The following CRPPA variants were observed in gnomAD, a reference collection of about 807,000 sequenced individuals.
The protein encoded by CRPPA is CDP-L-ribitol pyrophosphorylase A, also known as D-ribitol-5-phosphate cytidylyltransferase.
A neutral mutation model predicts 52.0 loss-of-function variants in CRPPA; 43 were observed. The ratio of observed to expected loss-of-function variants is 0.83; its 90% CI spans 0.65 to 1.07. The LOEUF is 1.07. Ranked by LOEUF, CRPPA falls within the 50% of genes least tolerant of loss-of-function variation. The probability of loss-of-function intolerance (pLI) is 0.00; values close to 1 mark genes in which losing one functional copy is unlikely to be tolerated. For synonymous variants in CRPPA, 250 were observed against 203.5 expected (o/e 1.23, Z -1.94); for missense variants, 629 against 551.7 (o/e 1.14, Z -1.40).
At position 16,349,912 on chromosome 7, in the gene CRPPA, A is replaced by G. The variant is rs1173275096; in HGVS notation, c.684+26180T>C. Reference sequence around the variant, plus strand: ...AATCCAGATCTAGGAAATCCAAGAGACACTAAATAAGATGAATCCAAAGAG... The same window carrying G: ...AATCCAGATCTAGGAAATCCAAGAGGCACTAAATAAGATGAATCCAAAGAG... On this transcript the variant is annotated intron_variant, in intron 3 of 9. Coordinates refer to ENST00000407010, the MANE Select transcript of CRPPA (RefSeq NM_001101426.4). 3.9e-5 allele frequency among the ~76,000 whole-genome samples: 6 copies of G among 152,228 alleles called. No individual in the cohort carries two copies. The South Asian group carries it at 6.2e-4, about 16-fold the overall frequency.
At chr7:16,206,110 C>G (rs542866972) in intron 9 of CRPPA, among the ~76,000 whole-genome samples, 65 of 152,136 alleles carry the variant, frequency 4.3e-4, no homozygotes, top group Admixed American at 2.6e-4. Context: ...AAATGCATAC[C>G]TTCATACATT....
intron 8 of CRPPA, among the ~76,000 whole-genome samples, chr7:16,217,845 G>A (rs1426149726): frequency 6.6e-6 from 1 of 151,890 alleles, no homozygotes; most frequent in Admixed American, 6.6e-5. Flanking sequence ...GGGGAGAATG[G>A]AACCAAGTTG....
intron 4 of CRPPA, among the ~76,000 whole-genome samples, chr7:16,302,543 A>AGCTT (rs1488999727): frequency 8.3e-4 from 127 of 152,294 alleles, no homozygotes; most frequent in African/African-American, 2.9e-3. Flanking sequence ...TAAAAGCTAC[A>AGCTT]TTCAAGCACC....
At chr7:16,258,047 T>A (rs1180109614) in intron 8 of CRPPA, among the ~76,000 whole-genome samples, 1 of 152,148 alleles carries the variant, frequency 6.6e-6, no homozygotes, top group Non-Finnish European at 1.5e-5. Flanking sequence ...AATGCTTCCC[T>A]AATGGTATTC....
rs143034125 is a variant in CRPPA, at chr7:16,298,156, C to T, written c.835+3265G>A. On this transcript the variant is annotated intron_variant, in intron 5 of 9. Coordinates refer to ENST00000407010, the MANE Select transcript of CRPPA (RefSeq NM_001101426.4). Reference sequence around the variant, plus strand: ...AATGGAGGGGGTAAACTCAGGTGAGCAAACAAGCATTTGCAGCTGGGAGAG... The same window carrying T: ...AATGGAGGGGGTAAACTCAGGTGAGTAAACAAGCATTTGCAGCTGGGAGAG... Among the ~76,000 whole-genome samples, 1,029 of 152,220 alleles carry T rather than the reference C, an allele frequency of 6.8e-3. 16 individuals carry two copies. The highest frequency in any genetic ancestry group is 0.024 in the African/African-American group (1,006 of 41,518).
At chr7:16,135,163 T>C (rs1050319842) in intron 9 of CRPPA, among the ~76,000 whole-genome samples, 1 of 152,212 alleles carries the variant, frequency 6.6e-6, no homozygotes, top group Non-Finnish European at 1.5e-5. Flanking sequence ...ACATGCTCTT[T>C]GAATTGCTCA....
At chr7:16,223,600 T>C (rs77029597) in intron 8 of CRPPA, among the ~76,000 whole-genome samples, 5,536 of 152,240 alleles carry the variant, frequency 0.036, 256 homozygotes, top group East Asian at 0.19. Context: ...ATACTTTACA[T>C]AGTGCTACTA....
chr7:16,092,712 C>A (rs1269800976), intron 9 of CRPPA, among the ~76,000 whole-genome samples: 2 of 152,156 alleles, frequency 1.3e-5, no homozygotes, highest in Non-Finnish European at 2.9e-5. Context: ...AAATATAGAT[C>A]TGATCACATC....
At chr7:16,354,845 T>G (rs943316928) in intron 3 of CRPPA, among the ~76,000 whole-genome samples, 18 of 152,248 alleles carry the variant, frequency 1.2e-4, no homozygotes, top group Middle Eastern at 3.4e-3. Context: ...TCAAATACAT[T>G]TATTCCCCTA....
intron 9 of CRPPA, among the ~76,000 whole-genome samples, chr7:16,214,961 G>C (rs2128397834): frequency 6.6e-6 from 1 of 152,162 alleles, no homozygotes; most frequent in East Asian, 1.9e-4. Flanking sequence ...TATCCTACGT[G>C]AACTAAAATT....
intron 2 of CRPPA, among the ~76,000 whole-genome samples, chr7:16,389,923 AAAAAAATATAT>A (rs1304053966): frequency 2.5e-5 from 2 of 81,072 alleles, no homozygotes; most frequent in Non-Finnish European, 4.7e-5. Context: ...CAAAAAAAAA[AAAAAAATATAT>A]ATATATATAT....
At chr7:16,141,447 G>A (rs1248848984) in intron 9 of CRPPA, among the ~76,000 whole-genome samples, 1 of 152,038 alleles carries the variant, frequency 6.6e-6, no homozygotes, top group Admixed American at 6.6e-5. Context: ...GATAACAGCT[G>A]TTCAGAAATT....
intron 9 of CRPPA, among the ~76,000 whole-genome samples, chr7:16,183,893 A>T (rs1781457141): frequency 6.6e-6 from 1 of 152,226 alleles, no homozygotes; most frequent in Non-Finnish European, 1.5e-5. Context: ...TTTTAGTTTA[A>T]GGTACAAAAT....
At chr7:16,117,146 G>C (rs968906354) in intron 9 of CRPPA, among the ~76,000 whole-genome samples, 1 of 152,146 alleles carries the variant, frequency 6.6e-6, no homozygotes, top group Non-Finnish European at 1.5e-5. Flanking sequence ...ATTTTAAAAT[G>C]GGTTAACCAT....
intron 9 of CRPPA, among the ~76,000 whole-genome samples, chr7:16,202,612 T>C (rs17616260): frequency 2.6e-5 from 4 of 152,108 alleles, no homozygotes; most frequent in Admixed American, 6.6e-5. Flanking sequence ...TTGTGCCAGA[T>C]TGTGTTAAAT....
intron 2 of CRPPA, among the ~76,000 whole-genome samples, chr7:16,393,781 G>A (rs867400977): frequency 1.4e-4 from 22 of 151,848 alleles, no homozygotes; most frequent in African/African-American, 3.1e-4. Context: ...TAAGCATTCC[G>A]GATGAAAGAA....
chr7:16,258,110 A>G (rs1397399786), intron 8 of CRPPA, among the ~76,000 whole-genome samples: 1 of 152,096 alleles, frequency 6.6e-6, no homozygotes, highest in Non-Finnish European at 1.5e-5. Flanking sequence ...CAGTTGACTT[A>G]AACCGAATAC....
chr7:16,222,258 C>G (rs1028581801), intron 8 of CRPPA, among the ~76,000 whole-genome samples: 1 of 136,216 alleles, frequency 7.3e-6, no homozygotes, highest in African/African-American at 2.8e-5. Flanking sequence ...ATCACATGGA[C>G]ACAGGAAGGG....
intron 3 of CRPPA, among the ~76,000 whole-genome samples, chr7:16,372,886 G>A (rs1230260847): frequency 2.0e-5 from 3 of 152,202 alleles, no homozygotes; most frequent in African/African-American, 7.2e-5. Flanking sequence ...GTGGGCAGGA[G>A]TAGTGATCCT....
Sources: allele counts gnomAD v4.1 joint callset (sites outside exome capture counted in the v4.1 genomes callset), GRCh38; gene constraint gnomAD v4.1.1; transcripts MANE v1.5; gene names NCBI Gene and HGNC (gene_info 2026-07-23, HGNC 2026-07-21).